Variants in KCNK10 observed in about 807,000 individuals in gnomAD.
The protein encoded by KCNK10 is potassium two pore domain channel subfamily K member 10, also known as potassium channel subfamily K member 10.
In KCNK10, 25 loss-of-function variants were observed where a neutral mutation model predicts 47.7. The ratio of observed to expected loss-of-function variants is 0.52; its 90% CI spans 0.38 to 0.73. KCNK10 has a LOEUF of 0.73. Among genes scored for constraint, KCNK10 ranks in the 30% least tolerant of loss-of-function variants. The pLI, the probability that KCNK10 is intolerant of heterozygous loss-of-function variation, is 0.00. For synonymous variants in KCNK10, 303 were observed against 285.6 expected (o/e 1.06, Z -0.61); for missense variants, 563 against 714.5 (o/e 0.79, Z 2.42).
intron 4 of KCNK10, among the ~76,000 whole-genome samples, chr14:88,216,063 A>G (rs1375363387): frequency 1.3e-5 from 2 of 152,236 alleles, no homozygotes; most frequent in East Asian, 3.8e-4. Flanking sequence ...CTAGTGAAGA[A>G]TAATAGCAGA....
intron 1 of KCNK10, among the ~76,000 whole-genome samples, chr14:88,275,499 T>C (rs1205693039): frequency 6.6e-6 from 1 of 151,948 alleles, no homozygotes; most frequent in Admixed American, 6.6e-5. Flanking sequence ...AATTTGTTTG[T>C]GAGTTATTTA....
At chr14:88,303,561 C>T (rs540594253) in intron 1 of KCNK10, among the ~76,000 whole-genome samples, 15 of 152,000 alleles carry the variant, frequency 9.9e-5, no homozygotes, top group African/African-American at 3.1e-4. Flanking sequence ...CCCATGTATA[C>T]GCTAGTAGGA....
chr14:88,270,535 T>C (rs562179565), intron 1 of KCNK10, among the ~76,000 whole-genome samples: 9 of 152,272 alleles, frequency 5.9e-5, no homozygotes, highest in African/African-American at 1.9e-4. Flanking sequence ...GGGTGAAGCA[T>C]TGCTCCCTGC....
At chr14:88,235,257 G>A (rs1265696986) in intron 3 of KCNK10, 1 of 456,568 alleles carries the variant, frequency 2.2e-6, no homozygotes, top group East Asian at 7.0e-5. Flanking sequence ...CAGAAAGCTG[G>A]TCCAGGAATA....
chr14:88,217,933 G>A (rs113037286), intron 4 of KCNK10, among the ~76,000 whole-genome samples: 8,549 of 152,110 alleles, frequency 0.056, 605 homozygotes, highest in African/African-American at 0.17. Flanking sequence ...ATGTTGGCCA[G>A]GCTGGTCTCA....
chr14:88,222,836 T>C (rs1041597761), intron 4 of KCNK10, among the ~76,000 whole-genome samples: 1 of 152,188 alleles, frequency 6.6e-6, no homozygotes, highest in Non-Finnish European at 1.5e-5. Context: ...GATGAAGAGC[T>C]ACCATGCCAA....
At chr14:88,222,633 C>A (rs1178315377) in intron 4 of KCNK10, among the ~76,000 whole-genome samples, 1 of 152,118 alleles carries the variant, frequency 6.6e-6, no homozygotes, top group Non-Finnish European at 1.5e-5. Flanking sequence ...AGGGAGACTG[C>A]ACATGTGTGT....
chr14:88,315,442 A>G (rs544531140), intron 1 of KCNK10, among the ~76,000 whole-genome samples: 1 of 152,358 alleles, frequency 6.6e-6, no homozygotes, highest in Non-Finnish European at 1.5e-5. Flanking sequence ...CAGAGGACGA[A>G]GTAAGTGAAT....
chr14:88,306,485 T>C (rs948177488), intron 1 of KCNK10, among the ~76,000 whole-genome samples: 2 of 152,122 alleles, frequency 1.3e-5, no homozygotes, highest in African/African-American at 4.8e-5. Flanking sequence ...GGGGAAGATT[T>C]GTACTTCATA....
intron 4 of KCNK10, among the ~76,000 whole-genome samples, chr14:88,204,157 A>G (rs941829911): frequency 6.6e-6 from 1 of 152,200 alleles, no homozygotes; most frequent in Non-Finnish European, 1.5e-5. Flanking sequence ...GGGGAGAGGT[A>G]GGAGAGAGCG....
At chr14:88,288,900 G>A (rs1250210440) in intron 1 of KCNK10, among the ~76,000 whole-genome samples, 4 of 152,130 alleles carry the variant, frequency 2.6e-5, no homozygotes, top group Admixed American at 2.0e-4. Context: ...CACTGCAGAA[G>A]GGCCATTCTC....
At chr14:88,235,460 C>A in intron 3 of KCNK10, 1 of 252,232 alleles carries the variant, frequency 4.0e-6, no homozygotes, top group Non-Finnish European at 8.1e-6. Flanking sequence ...AGAATCTTCA[C>A]AGAGAAGCCA....
chr14:88,180,536 T>C lies in KCNK10; in HGVS notation c.*4999A>G. 1 of 336,742 alleles carries C rather than the reference T, an allele frequency of 3.0e-6. No homozygotes were observed. Among genetic ancestry groups the C allele is most frequent in the Non-Finnish European group, 5.3e-6 (1 of 187,778 alleles). 20.9% of individuals were successfully genotyped at this position (336,742 alleles called of 1,614,324 possible). Reference sequence around the variant, plus strand: ...CCTTCTGCAGCATAGGTCTGCTGAATCGACGGAGCAGGAGTCCTCTCAAAA... The same window carrying C: ...CCTTCTGCAGCATAGGTCTGCTGAACCGACGGAGCAGGAGTCCTCTCAAAA... On this transcript the variant is annotated 3_prime_UTR_variant, in exon 7 of 7. Transcript: ENST00000319231.
chr14:88,237,943 C>T (rs901821720), intron 3 of KCNK10, among the ~76,000 whole-genome samples: 4 of 152,184 alleles, frequency 2.6e-5, no homozygotes, highest in African/African-American at 9.6e-5. Flanking sequence ...GCATTGACTT[C>T]TCTTCTGTAA....
intron 1 of KCNK10, among the ~76,000 whole-genome samples, chr14:88,271,088 T>A (rs78415523): frequency 0.043 from 6,546 of 152,216 alleles, 276 homozygotes; most frequent in African/African-American, 0.1. Context: ...TGACTCTTTT[T>A]TTGGTCAATT....
intron 2 of KCNK10, among the ~76,000 whole-genome samples, chr14:88,253,303 C>T (rs1331909698): frequency 6.6e-6 from 1 of 152,008 alleles, no homozygotes; most frequent in East Asian, 1.9e-4. Flanking sequence ...TGTTCTATAC[C>T]ACTGCAGGAT....
At chr14:88,326,541 G>C, upstream of KCNK10, 1 of 991,770 alleles carries the variant, frequency 1.0e-6, no homozygotes, top group Non-Finnish European at 1.6e-6. Flanking sequence ...GGTTAAGTCT[G>C]GTGGAAAGAG....
chr14:88,255,145 T>C (rs1380760760), intron 2 of KCNK10, among the ~76,000 whole-genome samples: 2 of 152,208 alleles, frequency 1.3e-5, no homozygotes, highest in African/African-American at 4.8e-5. Context: ...GCCCAGTTTC[T>C]TGAATCATGT....
chr14:88,253,024 T>A (rs1347210032), intron 2 of KCNK10, among the ~76,000 whole-genome samples: 1 of 151,950 alleles, frequency 6.6e-6, no homozygotes, highest in Non-Finnish European at 1.5e-5. Flanking sequence ...GTCAGAGAGA[T>A]CTAGCTAGAC....
Sources: allele counts gnomAD v4.1 joint callset (sites outside exome capture counted in the v4.1 genomes callset), GRCh38; gene constraint gnomAD v4.1.1; transcripts MANE v1.5; gene names NCBI Gene and HGNC (gene_info 2026-07-23, HGNC 2026-07-21).